TTLL1: variants seen among roughly 807,000 people sequenced by gnomAD.
TTLL1 encodes the protein TTL family tubulin polyglutamylase complex subunit L1.
A neutral mutation model predicts 47.8 loss-of-function variants in TTLL1; 33 were observed. That is an observed-to-expected ratio of 0.69 (90% CI 0.52 to 0.92). TTLL1 has a LOEUF of 0.92. Among genes scored for constraint, TTLL1 ranks in the 40% least tolerant of loss-of-function variants. The pLI is 0.00. For synonymous variants in TTLL1, 225 were observed against 214.1 expected, an observed-to-expected ratio of 1.05 and a Z score of -0.45; for missense variants, 488 against 547.5, an observed-to-expected ratio of 0.89 and a Z score of 1.08.
chr22:43,047,668 C>T (rs1178859665), intron 9 of TTLL1, among the ~76,000 whole-genome samples: 1 of 152,116 alleles, frequency 6.6e-6, no homozygotes, highest in African/African-American at 2.4e-5. Flanking sequence ...AGGGTTTCAC[C>T]ATGTTGGTCA....
chr22:43,073,325 CTATTTATTTATTTATTTATT>C (rs72103212), intron 3 of TTLL1, among the ~76,000 whole-genome samples: 20 of 142,718 alleles, frequency 1.4e-4, no homozygotes, highest in South Asian at 4.6e-4. Context: ...TGCGCCCGGT[CTATTTATTTATTTATTTATT>C]TATTTATTTA....
Position 43,059,435 on chromosome 22 carries a change from C to T in TTLL1, c.840G>A (p.Lys280=). The part of the protein sequence containing the change: ...ESTRGKEVTS[K]LFDEIHWIIV... The stretch of plus-strand genomic sequence containing the variant: ...TGATCCAGTGGATCTCGTCGAACAG[C>T]TTGCTGGTCACCTCCTTGCCGCGGG... Residue 280 remains lysine, a synonymous_variant, in exon 8 of 11, where the codon AAG becomes AAA. Transcript: ENST00000266254. 6.2e-7 allele frequency: 1 copy of T among 1,614,124 alleles called. No individual in the cohort carries two copies. Among genetic ancestry groups the T allele is most frequent in the Non-Finnish European group, 8.5e-7 (1 of 1,180,008 alleles).
At chr22:43,077,302 G>A (rs1928570200) in intron 2 of TTLL1, among the ~76,000 whole-genome samples, 1 of 152,050 alleles carries the variant, frequency 6.6e-6, no homozygotes. Context: ...GCACACACTG[G>A]GCCCCTCCGC....
Position 43,059,441 on chromosome 22 carries a change from G to A in TTLL1, c.834C>T (p.Thr278=), listed in dbSNP as rs1490062595. ...YLESTRGKEV[T]SKLFDEIHWI... ...AGTGGATCTCGTCGAACAGCTTGCT[G>A]GTCACCTCCTTGCCGCGGGTGCTCT... is the stretch of plus-strand genomic sequence containing the variant. The change falls in exon 8 of 11, where the codon ACC becomes ACT. Residue 278 remains threonine, a synonymous_variant. Coordinates refer to ENST00000266254, the MANE Select transcript of TTLL1 (RefSeq NM_012263.5). 1 of 1,613,986 alleles carries A rather than the reference G, an allele frequency of 6.2e-7. No individual in the cohort carries two copies. The highest frequency in any genetic ancestry group is 1.3e-5 in the African/African-American group (1 of 74,930).
chr22:43,075,426 G>A (rs751560056), intron 3 of TTLL1, 48 bp downstream of exon 3: 19 of 1,505,290 alleles, frequency 1.3e-5, no homozygotes, highest in African/African-American at 9.6e-5. Context: ...TAGTAAAACC[G>A]ATACGTAAGC....
chr22:43,068,659 G>C, intron 4 of TTLL1, 69 bp from the exon 5 acceptor site: 2 of 1,343,218 alleles, frequency 1.5e-6, no homozygotes, highest in East Asian at 2.6e-5. Context: ...GAAAGATCTT[G>C]CCCTTGCCTT....
chr22:43,076,623 C>T lies in TTLL1; in HGVS notation c.-4-1033G>A, dbSNP rs541727450. ...AAAATTAGCCAGGCATGGTGGCATG[C>T]GCCTGTAATCCCAGCTACTCGGGAG... On this transcript the variant is annotated intron_variant, in intron 2 of 10. Coordinates refer to ENST00000266254, the MANE Select transcript of TTLL1 (RefSeq NM_012263.5). Among the ~76,000 whole-genome samples the T allele has an allele frequency of 2.1e-3, 316 of 151,368 alleles. 1 individual carries two copies. Among genetic ancestry groups the T allele is most frequent in the African/African-American group, 6.1e-3 (251 of 41,232 alleles).
intron 2 of TTLL1, among the ~76,000 whole-genome samples, chr22:43,075,969 G>A (rs1387236855): frequency 1.3e-5 from 2 of 152,212 alleles, no homozygotes; most frequent in Non-Finnish European, 2.9e-5. Flanking sequence ...AAGTGTGCCA[G>A]GAGCCACAAA....
intron 2 of TTLL1, among the ~76,000 whole-genome samples, chr22:43,079,326 G>T (rs1395506652): frequency 8.0e-6 from 1 of 124,700 alleles, no homozygotes; most frequent in Non-Finnish European, 1.6e-5. Context: ...GGGGCCACAG[G>T]AGCCACACCC....
chr22:43,044,138 C>G (rs1040505569), intron 10 of TTLL1, among the ~76,000 whole-genome samples: 1 of 152,184 alleles, frequency 6.6e-6, no homozygotes, highest in East Asian at 1.9e-4. Context: ...TCCCTGTCCC[C>G]GCTGCCCTCT....
In TTLL1 at chr22:43,051,816, C is replaced by T. The variant is rs766213109; in HGVS notation, c.963G>A (p.Lys321=). Residue 321 remains lysine, a synonymous_variant, in exon 9 of 11, where the codon AAG becomes AAA. Transcript: ENST00000266254. ...CCGCAGTTACCTCGATCAGCCAGGG[C>T]TTCAGCTTGTCGTCGATGATGATGT... ...GYDIIIDDKL[K]PWLIEVNASP... is the part of the protein sequence containing the mutation. 7 of 1,614,062 alleles carry T rather than the reference C, an allele frequency of 4.3e-6. No individual in the cohort carries two copies. The highest frequency in any genetic ancestry group is 5.9e-6 in the Non-Finnish European group (7 of 1,180,008).
chr22:43,063,406 T>C (rs1927512891), intron 7 of TTLL1, among the ~76,000 whole-genome samples: 2 of 151,852 alleles, frequency 1.3e-5, no homozygotes, highest in Non-Finnish European at 2.9e-5. Context: ...TGAGTATCAC[T>C]TCTATACCCA....
intron 7 of TTLL1, among the ~76,000 whole-genome samples, chr22:43,062,998 G>A (rs918946207): frequency 6.6e-6 from 1 of 152,038 alleles, no homozygotes; most frequent in Admixed American, 6.6e-5. Context: ...ATTGACTACT[G>A]TACTCAAAGT....
chr22:43,073,428 CT>C (rs1458561852), intron 3 of TTLL1, among the ~76,000 whole-genome samples: 20 of 152,038 alleles, frequency 1.3e-4, no homozygotes, highest in African/African-American at 4.3e-4. Flanking sequence ...GTGATTTCAG[CT>C]CACTGCAACC....
intron 5 of TTLL1, among the ~76,000 whole-genome samples, chr22:43,065,127 A>G (rs1392523583): frequency 6.6e-6 from 1 of 152,054 alleles, no homozygotes. Flanking sequence ...CCTGGGCAAT[A>G]GAGCAAGACT....
At chr22:43,076,216 G>T (rs1928473771) in intron 2 of TTLL1, among the ~76,000 whole-genome samples, 1 of 152,146 alleles carries the variant, frequency 6.6e-6, no homozygotes, top group Non-Finnish European at 1.5e-5. Context: ...AGCACTTTGG[G>T]AGGCCGAGGC....
At chr22:43,058,343 A>G (rs1927162893) in intron 8 of TTLL1, among the ~76,000 whole-genome samples, 1 of 152,196 alleles carries the variant, frequency 6.6e-6, no homozygotes, top group African/African-American at 2.4e-5. Context: ...CGGTAAAACA[A>G]AACACGAATG....
chr22:43,069,864 G>A lies in TTLL1; in HGVS notation c.114-20C>T. ...CTCATCCTGAAAGAGATGAGCAGGA[G>A]AGACACTTGGCAGTGATGTCTGTGT... On this transcript the variant is annotated intron_variant, in intron 3 of 10. Transcript: ENST00000266254. 3 of 1,613,150 alleles carry A rather than the reference G, an allele frequency of 1.9e-6. No individual in the cohort carries two copies. Among genetic ancestry groups the A allele is most frequent in the Non-Finnish European group, 2.5e-6 (3 of 1,179,650 alleles).
intron 1 of TTLL1, among the ~76,000 whole-genome samples, chr22:43,083,337 C>A (rs1294661843): frequency 6.6e-6 from 1 of 151,746 alleles, no homozygotes; most frequent in Non-Finnish European, 1.5e-5. Flanking sequence ...CCACTGCAGT[C>A]CAGCCTGGGC....
Sources: allele counts gnomAD v4.1 joint callset (sites outside exome capture counted in the v4.1 genomes callset), GRCh38; gene constraint gnomAD v4.1.1; transcripts MANE v1.5; gene names NCBI Gene and HGNC (gene_info 2026-07-23, HGNC 2026-07-21).